The following ACSL3 variants were observed in gnomAD, a reference collection of about 807,000 sequenced individuals.
ACSL3 encodes fatty acid CoA ligase Acsl3.
A neutral mutation model predicts 84.7 loss-of-function variants in ACSL3; 34 were observed. The ratio of observed to expected loss-of-function variants is 0.40; its 90% confidence interval spans 0.31 to 0.53. ACSL3 has a LOEUF of 0.53. Among genes scored for constraint, ACSL3 ranks in the 20% least tolerant of loss-of-function variants. The pLI, the probability that ACSL3 is intolerant of heterozygous loss-of-function variation, is 0.48. For synonymous variants in ACSL3, 315 were observed against 299.4 expected (o/e 1.05, Z -0.54); for missense variants, 680 against 873.1 (o/e 0.78, Z 2.79).
chr2:222,912,437 G>A lies in ACSL3; in HGVS notation c.378+3287G>A, dbSNP rs1696468839. Among the ~76,000 whole-genome samples the A allele has an allele frequency of 2.0e-5, 3 of 152,304 alleles. 1 individual carries two copies. The Middle Eastern group carries it at 0.01, about 518-fold the overall frequency. On this transcript the variant is annotated intron_variant, in intron 4 of 16. Coordinates refer to ENST00000357430, the MANE Select transcript of ACSL3 (RefSeq NM_004457.5). ...TTAAGCTGTGTACTTTCTGCTATTA[G>A]TGCCTGCTAGCTGATCAAGCTCAGT...
At chr2:222,907,972 C>T (rs1039691308) in intron 3 of ACSL3, among the ~76,000 whole-genome samples, 20 of 152,124 alleles carry the variant, frequency 1.3e-4, no homozygotes, top group Non-Finnish European at 2.8e-4. Flanking sequence ...TAACATTTAT[C>T]ACCATCTGGC....
At chr2:222,899,380 CAGG>C (rs1436743019) in intron 2 of ACSL3, among the ~76,000 whole-genome samples, 1 of 152,086 alleles carries the variant, frequency 6.6e-6, no homozygotes, top group Non-Finnish European at 1.5e-5. Context: ...GAGGCTGAGG[CAGG>C]AGAATCGCTT....
chr2:222,905,311 C>T (rs1007258894), intron 3 of ACSL3, among the ~76,000 whole-genome samples: 3 of 152,084 alleles, frequency 2.0e-5, no homozygotes, highest in African/African-American at 7.2e-5. Context: ...CAAGTGTGCA[C>T]CACCACACCC....
At chr2:222,915,725 A>G (rs980269683) in intron 4 of ACSL3, among the ~76,000 whole-genome samples, 1 of 152,222 alleles carries the variant, frequency 6.6e-6, no homozygotes, top group African/African-American at 2.4e-5. Flanking sequence ...GACTTTGAAT[A>G]ATATAACTAG....
At chr2:222,922,571 A>T (rs199676106) in intron 8 of ACSL3, 137 bp from the exon 9 acceptor site, 20 of 630,176 alleles carry the variant, frequency 3.2e-5, no homozygotes, top group Non-Finnish European at 4.4e-5. Context: ...TCTCTCTCTC[A>T]CAAACACATA....
chr2:222,900,398 G>A (rs959573367), intron 2 of ACSL3, among the ~76,000 whole-genome samples: 1 of 152,102 alleles, frequency 6.6e-6, no homozygotes, highest in Admixed American at 6.5e-5. Flanking sequence ...TATGTGTTCT[G>A]TTTGGGCATT....
intron 1 of ACSL3, among the ~76,000 whole-genome samples, chr2:222,879,558 C>A (rs952794996): frequency 6.6e-6 from 1 of 152,192 alleles, no homozygotes; most frequent in African/African-American, 2.4e-5. Flanking sequence ...TTATACTCAT[C>A]CTGCATCTTG....
rs138063314 is a variant in ACSL3, at chr2:222,926,945, G to A, written c.1293-72G>A. ...CAAAATCTCTCATATCAAAACTGGGGGATTAGTTTAAGTGATTTGGAAAAT... is the reference window on the plus strand; with the variant it reads ...CAAAATCTCTCATATCAAAACTGGGAGATTAGTTTAAGTGATTTGGAAAAT... On this transcript the variant is annotated intron_variant, in intron 11 of 16. Transcript: ENST00000357430. 6,616 of 1,498,272 alleles carry A rather than the reference G, an allele frequency of 4.4e-3. 35 individuals carry two copies. Among genetic ancestry groups the A allele is most frequent in the Middle Eastern group, 0.017 (94 of 5,498 alleles). 92.8% of individuals were successfully genotyped at this position (1,498,272 alleles called of 1,614,324 possible). A position where few individuals can be genotyped will look rare whatever the true frequency, so the allele number is the denominator to read the frequency against.
chr2:222,909,714 T>C, intron 4 of ACSL3: 1 of 152,268 alleles, frequency 6.6e-6, no homozygotes, highest in East Asian at 1.9e-4. Context: ...CTTTGCCACT[T>C]AACTGGCTTT....
rs757878968 is a variant in ACSL3, at chr2:222,909,019, C to A, written c.247C>A (p.Pro83Thr). The change falls in exon 4 of 17, where the codon CCT becomes ACT. Residue 83 changes from proline (P) to threonine (T), a missense_variant. Around this residue, in one of 2 missense-constraint regions of ACSL3, gnomAD observed 333 missense variants for 347.5 expected, o/e 0.96. Coordinates refer to ENST00000357430, the MANE Select transcript of ACSL3 (RefSeq NM_004457.5). ...GGATGGTTTGGCTTCAGTATTATAC[C>A]CTGGATGTGATACTTTAGATAAAGT... ...SLDGLASVLY[P>T]GCDTLDKVFT... The A allele has an allele frequency of 1.2e-6, 2 of 1,613,368 alleles. No homozygotes were observed. Among genetic ancestry groups the A allele is most frequent in the Non-Finnish European group, 1.7e-6 (2 of 1,179,816 alleles).
chr2:222,943,021 T>A lies in ACSL3; in HGVS notation c.*1367T>A, dbSNP rs1037435378. 12 of 223,840 alleles carry A rather than the reference T, an allele frequency of 5.4e-5. No homozygotes were observed. The highest frequency in any genetic ancestry group is 1.8e-4 in the African/African-American group (8 of 44,714). 13.9% of individuals were successfully genotyped at this position (223,840 alleles called of 1,614,324 possible). A position where few individuals can be genotyped will look rare whatever the true frequency, so the allele number is the denominator to read the frequency against. ...CAGGACTTAAATCATAGGCACCACA[T>A]TTTTCATGTCAGACTAGTTACTTTG... On this transcript the variant is annotated 3_prime_UTR_variant, in exon 17 of 17. Coordinates refer to ENST00000357430, the MANE Select transcript of ACSL3 (RefSeq NM_004457.5).
intron 1 of ACSL3, among the ~76,000 whole-genome samples, chr2:222,878,782 C>G (rs1280399883): frequency 6.6e-6 from 1 of 152,134 alleles, no homozygotes; most frequent in Non-Finnish European, 1.5e-5. Flanking sequence ...TACACGCCAC[C>G]ATTCTTTCAT....
chr2:222,861,119 C>A lies in ACSL3; in HGVS notation c.-346C>A, dbSNP rs1324746782. 4 of 152,296 alleles carry A rather than the reference C, an allele frequency of 2.6e-5. No individual in the cohort carries two copies. Among genetic ancestry groups the A allele is most frequent in the Admixed American group, 2.0e-4 (3 of 15,290 alleles). The allele number at this position is 152,296 out of a possible 1,614,324, so 9.4% of individuals were successfully genotyped here. On this transcript the variant is annotated 5_prime_UTR_variant, in exon 1 of 17. Transcript: ENST00000357430. ...GGGACGAGGAGGCGTTGGACGGGGT[C>A]GCATACGTTCGTCCCCTCGCATTGC...
intron 1 of ACSL3, among the ~76,000 whole-genome samples, chr2:222,882,819 G>A (rs1341939195): frequency 6.9e-6 from 1 of 144,658 alleles, no homozygotes; most frequent in Non-Finnish European, 1.5e-5. Context: ...GCTGGCTGGA[G>A]TGCAGTGGCA....
intron 11 of ACSL3, among the ~76,000 whole-genome samples, chr2:222,924,840 A>T (rs1385710399): frequency 1.3e-5 from 2 of 151,720 alleles, no homozygotes; most frequent in Admixed American, 1.3e-4. Context: ...TGGCTAACAC[A>T]GTGAAACCCC....
At chr2:222,888,169 T>C (rs1574528388) in intron 2 of ACSL3, among the ~76,000 whole-genome samples, 1 of 152,290 alleles carries the variant, frequency 6.6e-6, no homozygotes. Context: ...TTGGATAGTT[T>C]AGCATGAATT....
At chr2:222,936,449 C>T (rs1259912270) in intron 16 of ACSL3, among the ~76,000 whole-genome samples, 1 of 152,128 alleles carries the variant, frequency 6.6e-6, no homozygotes, top group Non-Finnish European at 1.5e-5. Flanking sequence ...TCCATTCTAA[C>T]AGATGTGAAG....
At chr2:222,873,745 TC>T (rs751965180) in intron 1 of ACSL3, among the ~76,000 whole-genome samples, 32 of 152,252 alleles carry the variant, frequency 2.1e-4, no homozygotes, top group Non-Finnish European at 4.7e-4. Context: ...TGTATAATAA[TC>T]TACTATATGT....
intron 1 of ACSL3, among the ~76,000 whole-genome samples, chr2:222,864,180 G>T (rs990813804): frequency 7.9e-5 from 12 of 152,144 alleles, no homozygotes; most frequent in Non-Finnish European, 1.8e-4. Context: ...ACTGAGCTGG[G>T]GCTTAACTGG....
Sources: allele counts gnomAD v4.1 joint callset (sites outside exome capture counted in the v4.1 genomes callset), GRCh38; gene constraint gnomAD v4.1.1; regional missense constraint gnomAD v4.1.1; transcripts MANE v1.5; gene names NCBI Gene and HGNC (gene_info 2026-07-23, HGNC 2026-07-21).